The following SIPA1L2 variants were observed in gnomAD, a reference collection of about 807,000 sequenced individuals.
SIPA1L2 encodes the protein signal induced proliferation associated 1 like 2.
A neutral mutation model predicts 163.9 loss-of-function variants in SIPA1L2; 56 were observed. That is an observed-to-expected ratio of 0.34 (90% CI 0.28 to 0.43). The LOEUF (loss-of-function observed/expected upper bound fraction) is 0.43. Among genes scored for constraint, SIPA1L2 ranks in the 20% least tolerant of loss-of-function variants. The pLI, the probability that SIPA1L2 is intolerant of heterozygous loss-of-function variation, is 1.00. For missense variants in SIPA1L2, 1,974 were observed against 2,193.5 expected (o/e 0.90, Z 2.00); for synonymous variants, 877 against 865.7 (o/e 1.01, Z -0.23).
intron 2 of SIPA1L2, among the ~76,000 whole-genome samples, chr1:232,536,653 A>G (rs1421208782): frequency 6.6e-6 from 1 of 152,222 alleles, no homozygotes; most frequent in Non-Finnish European, 1.5e-5. Context: ...AATGAAAAAT[A>G]AAACAAACAA....
intron 6 of SIPA1L2, among the ~76,000 whole-genome samples, chr1:232,480,154 C>CGTGTGTGTGTGTGTGTGTGTGTGT (rs536840154): frequency 4.5e-5 from 6 of 132,740 alleles, no homozygotes; most frequent in African/African-American, 1.8e-4. Context: ...TGTGTGTGTG[C>CGTGTGTGTGTGTGTGTGTGTGTGT]GTGTGTGTGT....
At chr1:232,599,485 T>C (rs1478271862) in intron 1 of SIPA1L2, among the ~76,000 whole-genome samples, 2 of 152,224 alleles carry the variant, frequency 1.3e-5, no homozygotes, top group African/African-American at 4.8e-5. Flanking sequence ...TCATCTTCTG[T>C]ACGCTATCAA....
At chr1:232,420,767 A>G (rs749090512) in intron 18 of SIPA1L2, among the ~76,000 whole-genome samples, 3 of 152,146 alleles carry the variant, frequency 2.0e-5, no homozygotes, top group Non-Finnish European at 4.4e-5. Flanking sequence ...CCTGGGAGGC[A>G]GAGCTTGCAG....
rs1024677879 is a variant in SIPA1L2, at chr1:232,609,256, CTAT to C, written c.-319+20610_-319+20612del. The stretch of plus-strand genomic sequence containing the variant: ...GAATCCGTTTTGTTCATCAAATTAA[CTAT>C]TACTTAATAAAATAAACGGTTGGAC... On this transcript the variant is annotated intron_variant, in intron 1 of 22. Coordinates refer to ENST00000674635, the MANE Select transcript of SIPA1L2 (RefSeq NM_020808.5). Among the ~76,000 whole-genome samples the C allele has an allele frequency of 2.0e-4, 30 of 152,302 alleles. 1 individual carries two copies. The highest frequency in any genetic ancestry group is 3.4e-3 in the Middle Eastern group (1 of 294).
intron 16 of SIPA1L2, among the ~76,000 whole-genome samples, chr1:232,428,820 T>TGGAAATGA (rs1662054445): frequency 6.6e-6 from 1 of 152,172 alleles, no homozygotes; most frequent in South Asian, 2.1e-4. Flanking sequence ...ATGAAAAAAT[T>TGGAAATGA]ACACAGCCAA....
intron 2 of SIPA1L2, among the ~76,000 whole-genome samples, chr1:232,539,146 CA>C (rs1657488775): frequency 6.6e-6 from 1 of 152,212 alleles, no homozygotes; most frequent in Non-Finnish European, 1.5e-5. Context: ...AGCCTTCTAC[CA>C]GGCTAACTAC....
At chr1:232,549,145 C>A (rs2103129693) in intron 2 of SIPA1L2, among the ~76,000 whole-genome samples, 1 of 152,314 alleles carries the variant, frequency 6.6e-6, no homozygotes, top group South Asian at 2.1e-4. Context: ...CTCCACACAA[C>A]CCAAGTGAGG....
intron 22 of SIPA1L2, among the ~76,000 whole-genome samples, chr1:232,400,132 G>A (rs574239569): frequency 6.6e-6 from 1 of 152,224 alleles, no homozygotes; most frequent in South Asian, 2.1e-4. Context: ...CTCAGAGGAG[G>A]CCTGAATCAG....
In SIPA1L2 at chr1:232,514,548, C is replaced by T; in HGVS notation, c.792G>A (p.Val264=). The T allele has an allele frequency of 1.2e-6, 2 of 1,614,140 alleles. No homozygotes were observed. Among genetic ancestry groups the T allele is most frequent in the Non-Finnish European group, 1.7e-6 (2 of 1,180,030 alleles). ...EFVRISGLDY[V]DSALLMGRDR... ...CTCTCCCCATCAGGAGGGCACTGTCCACATAATCTAATCCTGAGATGCGGA... is the reference window on the plus strand; with the variant it reads ...CTCTCCCCATCAGGAGGGCACTGTCTACATAATCTAATCCTGAGATGCGGA... Residue 264 remains valine (V), a synonymous_variant, in exon 3 of 23, where the codon GTG becomes GTA. Coordinates refer to ENST00000674635, the MANE Select transcript of SIPA1L2 (RefSeq NM_020808.5).
intron 8 of SIPA1L2, among the ~76,000 whole-genome samples, chr1:232,469,146 C>T (rs972058411): frequency 6.6e-6 from 1 of 152,176 alleles, no homozygotes; most frequent in Admixed American, 6.5e-5. Flanking sequence ...AGCTGTAAGG[C>T]CTATGAATTG....
At chr1:232,455,030 G>C (rs1663813098) in intron 10 of SIPA1L2, among the ~76,000 whole-genome samples, 2 of 152,180 alleles carry the variant, frequency 1.3e-5, no homozygotes, top group Non-Finnish European at 2.9e-5. Context: ...CTGAATGAAT[G>C]AATGAATGAG....
rs12024119 is a variant in SIPA1L2, at chr1:232,614,171, T to A, written c.-319+15698A>T. On this transcript the variant is annotated intron_variant, in intron 1 of 22. Coordinates refer to ENST00000674635, the MANE Select transcript of SIPA1L2 (RefSeq NM_020808.5). The stretch of plus-strand genomic sequence containing the variant: ...CACACTCCACACAGGGATTGCCAGA[T>A]ACTTCGTGTAACAGCGTAAGAAGAG... 4.9e-4 allele frequency among the ~76,000 whole-genome samples: 75 copies of A among 152,236 alleles called. 2 individuals carry two copies. In the East Asian group the frequency reaches 0.014, roughly 28 times the overall value.
In SIPA1L2 at chr1:232,514,579, T is replaced by G. The variant is rs1427223439; in HGVS notation, c.761A>C (p.Glu254Ala). 6.2e-7 allele frequency: 1 copy of G among 1,613,996 alleles called. No individual in the cohort carries two copies. The highest frequency in any genetic ancestry group is 8.5e-7 in the Non-Finnish European group (1 of 1,180,032). Reference protein sequence around the residue: ...LHAAAQISRGEFVRISGLDYV... With the variant: ...LHAAAQISRGAFVRISGLDYV... ...ATCTAATCCTGAGATGCGGACAAAT[T>G]CTCCCCTAGAAATCTGTGCTGCTGC... Residue 254 changes from glutamate (E) to alanine (A), a missense_variant, in exon 3 of 23, where the codon GAA becomes GCA. Physicochemically the swap from Glu to Ala is moderately radical, Grantham distance 107. Transcript: ENST00000674635.
chr1:232,448,747 G>A (rs1663365943), intron 10 of SIPA1L2, among the ~76,000 whole-genome samples: 1 of 152,206 alleles, frequency 6.6e-6, no homozygotes, highest in Admixed American at 6.5e-5. Context: ...AAGGCCAAGT[G>A]ACAAGGGAGA....
intron 1 of SIPA1L2, among the ~76,000 whole-genome samples, chr1:232,616,560 G>C (rs1370674428): frequency 6.6e-6 from 1 of 152,234 alleles, no homozygotes; most frequent in Non-Finnish European, 1.5e-5. Flanking sequence ...TATGGTGGCA[G>C]ACACAGATGG....
At chr1:232,566,003 A>C (rs1315760122) in intron 2 of SIPA1L2, among the ~76,000 whole-genome samples, 1 of 152,244 alleles carries the variant, frequency 6.6e-6, no homozygotes, top group Non-Finnish European at 1.5e-5. Flanking sequence ...TGGCTCTTTC[A>C]AGTTGCCCTT....
intron 1 of SIPA1L2, among the ~76,000 whole-genome samples, chr1:232,620,207 C>A (rs1002183216): frequency 5.3e-5 from 8 of 152,088 alleles, no homozygotes; most frequent in Non-Finnish European, 1.2e-4. Context: ...TACCATTTTT[C>A]TCCGTAGTTT....
At chr1:232,559,114 A>G (rs547890985) in intron 2 of SIPA1L2, among the ~76,000 whole-genome samples, 6 of 152,154 alleles carry the variant, frequency 3.9e-5, no homozygotes, top group Non-Finnish European at 5.9e-5. Context: ...TTACCCCAGC[A>G]ACCCCAGACA....
Position 232,514,596 on chromosome 1 carries a change from T to G in SIPA1L2, c.744A>C (p.Ala248=). 6.2e-7 allele frequency: 1 copy of G among 1,614,208 alleles called. No individual in the cohort carries two copies. Among genetic ancestry groups the G allele is most frequent in the East Asian group, 2.2e-5 (1 of 44,868 alleles). Residue 248 remains alanine, a synonymous_variant, in exon 3 of 23, where the codon GCA becomes GCC. Coordinates refer to ENST00000674635, the MANE Select transcript of SIPA1L2 (RefSeq NM_020808.5). ...GGACAAATTCTCCCCTAGAAATCTGTGCTGCTGCATGAAGGCTCGGAGAGA... is the reference window on the plus strand; with the variant it reads ...GGACAAATTCTCCCCTAGAAATCTGGGCTGCTGCATGAAGGCTCGGAGAGA... ...PAISPSLHAA[A]QISRGEFVRI...
Sources: gnomAD v4.1 joint callset for allele counts (sites outside exome capture counted in the v4.1 genomes callset) on GRCh38, gnomAD v4.1.1 for gene constraint, MANE v1.5 for transcripts, NCBI Gene and HGNC (gene_info 2026-07-23, HGNC 2026-07-21) for gene names.